Variants in RAD23B observed in about 807,000 individuals in gnomAD.
RAD23B encodes RAD23 nucleotide excision repair protein B.
In RAD23B, 5 loss-of-function variants were observed where a neutral mutation model predicts 49.1. That is an observed-to-expected ratio of 0.10 (90% CI 0.05 to 0.21). The LOEUF (loss-of-function observed/expected upper bound fraction) is 0.21, where lower values mean the gene tolerates loss of function less well. Ranked by LOEUF, RAD23B falls within the 10% of genes least tolerant of loss-of-function variation. RAD23B has a pLI of 1.00. For synonymous variants in RAD23B, 184 were observed against 165.4 expected (o/e 1.11, Z -0.86); for missense variants, 356 against 486.7 (o/e 0.73, Z 2.53).
Position 107,329,681 on chromosome 9 carries a change from T to G in RAD23B, c.*25T>G. On this transcript the variant is annotated 3_prime_UTR_variant, in exon 10 of 10. Coordinates refer to ENST00000358015, the MANE Select transcript of RAD23B (RefSeq NM_002874.5). Reference sequence around the variant, plus strand: ...AAAGGGACTTTTTTATATCTCACACTTCACACCAGTGCATTACACTAACTT... The same window carrying G: ...AAAGGGACTTTTTTATATCTCACACGTCACACCAGTGCATTACACTAACTT... The G allele has an allele frequency of 6.8e-7, 1 of 1,470,562 alleles. No homozygotes were observed. The highest frequency in any genetic ancestry group is 1.4e-5 in the African/African-American group (1 of 72,004). 91.1% of individuals were successfully genotyped at this position (1,470,562 alleles called of 1,614,324 possible).
rs769591409 is a variant in RAD23B at position 107,302,024 on chromosome 9, T to G, written c.149-11T>G. The stretch of plus-strand genomic sequence containing the variant: ...TGCCTTAAATGATTTTTTTTTCTCT[T>G]AATGTATTAGGCAAAATCCTCAATG... On this transcript the variant is annotated splice_polypyrimidine_tract_variant and intron_variant, in intron 2 of 9. Coordinates refer to ENST00000358015, the MANE Select transcript of RAD23B (RefSeq NM_002874.5). 1.2e-6 allele frequency: 2 copies of G among 1,609,434 alleles called. No homozygotes were observed. Among genetic ancestry groups the G allele is most frequent in the Non-Finnish European group, 1.7e-6 (2 of 1,178,882 alleles).
At chr9:107,284,089 T>A (rs1587842948) in intron 1 of RAD23B, 1 of 1,004,216 alleles carries the variant, frequency 1.0e-6, no homozygotes, top group Non-Finnish European at 1.2e-6. Context: ...CCACTACCCC[T>A]GTGTGGACCT....
rs138515333 is a variant in RAD23B, at chr9:107,327,566, G to T, written c.1117-1977G>T. ...ATTGTGTTAATTTCCACAAGTTTAT[G>T]AATTTCCCACATTTTCTCCTTTCGA... is the stretch of plus-strand genomic sequence containing the variant. On this transcript the variant is annotated intron_variant, in intron 9 of 9. Transcript: ENST00000358015. Among the ~76,000 whole-genome samples the T allele has an allele frequency of 5.5e-3, 840 of 152,182 alleles. 7 individuals are homozygous for T. Among genetic ancestry groups the T allele is most frequent in the African/African-American group, 0.02 (814 of 41,516 alleles).
chr9:107,304,268 A>G lies in RAD23B; in HGVS notation c.229-2111A>G, dbSNP rs574077525. On this transcript the variant is annotated intron_variant, in intron 3 of 9. Coordinates refer to ENST00000358015, the MANE Select transcript of RAD23B (RefSeq NM_002874.5). ...GAAGTTACATTGCAATATTATTTTG[A>G]TAACAATTAAGGAAAATATTAAATG... 2.6e-5 allele frequency among the ~76,000 whole-genome samples: 4 copies of G among 152,340 alleles called. No homozygotes were observed. In the East Asian group the frequency reaches 5.8e-4, roughly 22 times the overall value.
At chr9:107,303,733 C>G (rs921211585) in intron 3 of RAD23B, among the ~76,000 whole-genome samples, 7 of 152,144 alleles carry the variant, frequency 4.6e-5, no homozygotes, top group South Asian at 2.1e-4. Context: ...ACTTTTAAGA[C>G]TGAATACTAT....
At chr9:107,307,154 C>T (rs1826796309) in intron 4 of RAD23B, among the ~76,000 whole-genome samples, 1 of 152,102 alleles carries the variant, frequency 6.6e-6, no homozygotes, top group African/African-American at 2.4e-5. Context: ...TTCAGTTTTT[C>T]ACTGTTGTAT....
intron 9 of RAD23B, among the ~76,000 whole-genome samples, chr9:107,328,163 A>G (rs1827244306): frequency 6.6e-6 from 1 of 152,216 alleles, no homozygotes; most frequent in Non-Finnish European, 1.5e-5. Context: ...AAACCCAGAT[A>G]ACAAACTGAT....
chr9:107,329,512 T>G, intron 9 of RAD23B, 31 bp from the exon 10 acceptor site: 1 of 1,350,136 alleles, frequency 7.4e-7, no homozygotes, highest in Non-Finnish European at 1.1e-6. Flanking sequence ...ATTGGTGTGT[T>G]GGATTTATAT....
In RAD23B at chr9:107,318,695, T is replaced by C; in HGVS notation, c.554-57T>C. The C allele has an allele frequency of 6.5e-7, 1 of 1,530,832 alleles. No individual in the cohort carries two copies. Among genetic ancestry groups the C allele is most frequent in the African/African-American group, 1.4e-5 (1 of 72,852 alleles). 94.8% of individuals were successfully genotyped at this position (1,530,832 alleles called of 1,614,324 possible). A position where few individuals can be genotyped will look rare whatever the true frequency, so the allele number is the denominator to read the frequency against. ...TTGTATACATGAATCAATAAATGTA[T>C]AGAGAATGCTTATTTATTAAATGTT... On this transcript the variant is annotated intron_variant, in intron 5 of 9. Transcript: ENST00000358015. This position sits in a 1 kb window ranked among gnomAD's most constrained non-coding sequence, Gnocchi z 4.3.
intron 2 of RAD23B, 93 bp from the exon 3 acceptor site, chr9:107,301,942 G>C (rs1195251887): frequency 2.7e-6 from 4 of 1,463,076 alleles, no homozygotes; most frequent in Non-Finnish European, 3.7e-6. Flanking sequence ...TAATATTTCT[G>C]AAATATTCAT....
chr9:107,327,029 A>G lies in RAD23B; in HGVS notation c.1116+2025A>G, dbSNP rs984152995. 9.7e-4 allele frequency among the ~76,000 whole-genome samples: 147 copies of G among 152,286 alleles called. 1 individual carries two copies. The highest frequency in any genetic ancestry group is 3.5e-3 in the African/African-American group (144 of 41,570). Reference sequence around the variant, plus strand: ...AAGCTGTCTAATTTGTTGGCGTGCAATTGTACATATTTCCTTATAATCATT... The same window carrying G: ...AAGCTGTCTAATTTGTTGGCGTGCAGTTGTACATATTTCCTTATAATCATT... On this transcript the variant is annotated intron_variant, in intron 9 of 9. Transcript: ENST00000358015.
intron 1 of RAD23B, among the ~76,000 whole-genome samples, chr9:107,286,856 A>G (rs1833280491): frequency 6.6e-6 from 1 of 152,046 alleles, no homozygotes; most frequent in Admixed American, 6.5e-5. Flanking sequence ...GCGGATCACA[A>G]GGTCAGGAGA....
At chr9:107,295,271 ATTGT>A (rs1327122227) in intron 1 of RAD23B, among the ~76,000 whole-genome samples, 2 of 152,062 alleles carry the variant, frequency 1.3e-5, no homozygotes, top group Non-Finnish European at 2.9e-5. Flanking sequence ...AGGAGACGTG[ATTGT>A]TAAGTGTTTG....
intron 5 of RAD23B, among the ~76,000 whole-genome samples, chr9:107,312,684 G>A (rs1407178981): frequency 6.6e-6 from 1 of 152,162 alleles, no homozygotes; most frequent in Non-Finnish European, 1.5e-5. Flanking sequence ...TCTCTAGCCA[G>A]GAAAACAGAA....
chr9:107,311,986 T>C (rs760185510), intron 5 of RAD23B, among the ~76,000 whole-genome samples: 1 of 152,200 alleles, frequency 6.6e-6, no homozygotes, highest in Non-Finnish European at 1.5e-5. Flanking sequence ...ATTTTCCGGA[T>C]GTGAATTTTA....
rs368813764 is a variant in RAD23B at position 107,322,084 on chromosome 9, T to A, written c.783T>A (p.Thr261=). 6.2e-7 allele frequency: 1 copy of A among 1,610,498 alleles called. No individual in the cohort carries two copies. ...CAGCAGTGGCTGCAGCTGCAGCAAC[T>A]ACGACAGCAACAACTACAACAACAA... ...QSSAVAAAAA[T]TTATTTTTSS... Residue 261 remains threonine, a synonymous_variant, in exon 7 of 10, where the codon ACT becomes ACA. Coordinates refer to ENST00000358015, the MANE Select transcript of RAD23B (RefSeq NM_002874.5).
At chr9:107,283,803 C>A in intron 1 of RAD23B, 108 bp downstream of exon 1, 2 of 1,069,148 alleles carry the variant, frequency 1.9e-6, no homozygotes, top group Non-Finnish European at 2.4e-6. Context: ...CCGGAGGGCG[C>A]GATGAGGGCC....
At chr9:107,293,016 T>C (rs995477142) in intron 1 of RAD23B, among the ~76,000 whole-genome samples, 1 of 152,104 alleles carries the variant, frequency 6.6e-6, no homozygotes, top group African/African-American at 2.4e-5. Flanking sequence ...TCTCAGGAAG[T>C]TGGATTTAAG....
intron 1 of RAD23B, among the ~76,000 whole-genome samples, chr9:107,292,676 CAAAAAAA>C (rs3056493): frequency 2.4e-5 from 2 of 82,758 alleles, no homozygotes; most frequent in Admixed American, 1.4e-4. Flanking sequence ...GAGACTCTGT[CAAAAAAA>C]AAAAAAAAAA....
Sources: allele counts gnomAD v4.1 joint callset (sites outside exome capture counted in the v4.1 genomes callset), GRCh38; gene constraint gnomAD v4.1.1; non-coding constraint Gnocchi (gnomAD v3.1); transcripts MANE v1.5; gene names NCBI Gene and HGNC (gene_info 2026-07-23, HGNC 2026-07-21).